NDUFS1: variants seen among roughly 807,000 people sequenced by gnomAD.
NDUFS1 encodes NADH:ubiquinone oxidoreductase core subunit S1.
A neutral mutation model predicts 84.4 loss-of-function variants in NDUFS1; 61 were observed. That is an observed-to-expected ratio of 0.72 (90% CI 0.59 to 0.89). NDUFS1 has a LOEUF of 0.89. Ranked by LOEUF, NDUFS1 falls within the 40% of genes least tolerant of loss-of-function variation. NDUFS1 has a pLI of 0.00. For synonymous variants in NDUFS1, 275 were observed against 290.0 expected (o/e 0.95, Z 0.53); for missense variants, 891 against 890.0 (o/e 1.00, Z -0.01).
At chr2:206,125,666 A>C (rs1015494974) in intron 18 of NDUFS1, among the ~76,000 whole-genome samples, 3 of 151,860 alleles carry the variant, frequency 2.0e-5, no homozygotes, top group Non-Finnish European at 2.9e-5. Context: ...AAAAAAAAAA[A>C]AACTTTTAGG....
chr2:206,128,103 C>T, intron 15 of NDUFS1, 131 bp from the exon 16 acceptor site: 1 of 969,222 alleles, frequency 1.0e-6, no homozygotes, highest in Admixed American at 2.1e-5. Context: ...TAAAATGAAA[C>T]AGTAGTGAAG....
intron 12 of NDUFS1, among the ~76,000 whole-genome samples, chr2:206,140,642 G>A (rs1261651786): frequency 6.6e-6 from 1 of 151,624 alleles, no homozygotes; most frequent in African/African-American, 2.4e-5. Flanking sequence ...CACCATGCCC[G>A]GCTAATTTTG....
intron 17 of NDUFS1, 24 bp from the exon 18 acceptor site, chr2:206,126,635 C>T: frequency 1.9e-6 from 3 of 1,614,040 alleles, no homozygotes; most frequent in Non-Finnish European, 1.7e-6. Flanking sequence ...AAGAGATCAA[C>T]AATAATATGG....
At chr2:206,143,403 T>C (rs1185887762) in intron 10 of NDUFS1, among the ~76,000 whole-genome samples, 3 of 152,046 alleles carry the variant, frequency 2.0e-5, no homozygotes, top group South Asian at 2.1e-4. Context: ...CAAAATGAGG[T>C]CTGGAGAATG....
chr2:206,148,951 G>A, intron 5 of NDUFS1, 69 bp downstream of exon 5: 1 of 1,128,566 alleles, frequency 8.9e-7, no homozygotes. Flanking sequence ...TCTATGGGAA[G>A]GTCTAAATAC....
At position 206,153,637 on chromosome 2, in the gene NDUFS1, AGAAAGGCCT is replaced by A. The variant is rs1470134980; in HGVS notation, c.33_41del (p.Gly12_Ser14del). On this transcript the variant is annotated inframe_deletion, in exon 2 of 19. Transcript: ENST00000233190. ...ACTCACCACATCCTTTAGGAGACTT[AGAAAGGCCT>A]ACTAAGGCCTTTCTTACAGGTATCC... 4 of 1,548,440 alleles carry A rather than the reference AGAAAGGCCT, an allele frequency of 2.6e-6. No homozygotes were observed. Among genetic ancestry groups the A allele is most frequent in the African/African-American group, 1.4e-5 (1 of 73,396 alleles).
intron 15 of NDUFS1, 134 bp from the exon 16 acceptor site, chr2:206,128,106 T>C: frequency 1.1e-6 from 1 of 909,166 alleles, no homozygotes; most frequent in South Asian, 1.5e-5. Flanking sequence ...AATGAAACAG[T>C]AGTGAAGTAA....
rs1480617027 is a variant in NDUFS1, at chr2:206,153,699, G to A, written c.-4-17C>T. ...AACATATTGCTAAAAATAAAACAAA[G>A]AATTATATTATTGTAGGGAAAAAAA... is the stretch of plus-strand genomic sequence containing the variant. On this transcript the variant is annotated splice_polypyrimidine_tract_variant and intron_variant, in intron 1 of 18. Coordinates refer to ENST00000233190, the MANE Select transcript of NDUFS1 (RefSeq NM_005006.7). The A allele has an allele frequency of 3.7e-6, 5 of 1,333,710 alleles. No homozygotes were observed. The highest frequency in any genetic ancestry group is 1.1e-6 in the Non-Finnish European group (1 of 941,974). The allele number at this position is 1,333,710 out of a possible 1,614,324, so 82.6% of individuals were successfully genotyped here.
In NDUFS1 at chr2:206,147,097, T is replaced by TA. The variant is rs1559059976; in HGVS notation, c.552-10dup. ...CAATCTCACTTGCAAACCTACAAGA[T>TA]AAAAAATGTGTCATCAATGGTCAAG... On this transcript the variant is annotated splice_polypyrimidine_tract_variant and intron_variant, in intron 7 of 18. Transcript: ENST00000233190. 1 of 1,613,966 alleles carries TA rather than the reference T, an allele frequency of 6.2e-7. No homozygotes were observed. The highest frequency in any genetic ancestry group is 1.7e-5 in the Admixed American group (1 of 60,014).
intron 1 of NDUFS1, among the ~76,000 whole-genome samples, chr2:206,155,288 T>C (rs2105774280): frequency 6.6e-6 from 1 of 151,914 alleles, no homozygotes; most frequent in East Asian, 1.9e-4. Flanking sequence ...GCTAATTTTT[T>C]GTATTTTTAG....
chr2:206,124,480 A>G (rs1691205770), intron 18 of NDUFS1, among the ~76,000 whole-genome samples: 1 of 152,162 alleles, frequency 6.6e-6, no homozygotes, highest in South Asian at 2.1e-4. Flanking sequence ...AAACAATCAA[A>G]TAACTATAGA....
intron 8 of NDUFS1, 104 bp downstream of exon 8, chr2:206,146,799 C>T: frequency 8.9e-7 from 1 of 1,125,046 alleles, no homozygotes; most frequent in Non-Finnish European, 1.3e-6. Flanking sequence ...ACAAAGTCAA[C>T]AGACCAAAAC....
Position 206,141,930 on chromosome 2 carries a change from C to T in NDUFS1, c.1262+11G>A. On this transcript the variant is annotated intron_variant, in intron 12 of 18. Transcript: ENST00000233190. ...AATATTTTTAAACCTTGAATAAATA[C>T]TATTACCAACCTCTTTCGAATTCTA... is the stretch of plus-strand genomic sequence containing the variant. 1 of 1,607,214 alleles carries T rather than the reference C, an allele frequency of 6.2e-7. No homozygotes were observed. Among genetic ancestry groups the T allele is most frequent in the African/African-American group, 1.3e-5 (1 of 74,728 alleles).
At chr2:206,142,861 G>A in intron 10 of NDUFS1, 30 bp from the exon 11 acceptor site, 1 of 1,613,602 alleles carries the variant, frequency 6.2e-7, no homozygotes, top group South Asian at 1.1e-5. Flanking sequence ...GCATCACCAA[G>A]AAACCTACAC....
chr2:206,134,558 G>A (rs1286145128), intron 13 of NDUFS1, among the ~76,000 whole-genome samples: 1 of 151,780 alleles, frequency 6.6e-6, no homozygotes, highest in Non-Finnish European at 1.5e-5. Flanking sequence ...CTCCAGCATG[G>A]GTGACAGAGC....
chr2:206,140,158 A>G (rs1691880630), intron 12 of NDUFS1, among the ~76,000 whole-genome samples: 1 of 152,174 alleles, frequency 6.6e-6, no homozygotes. Context: ...CAGCCTGGGC[A>G]ACATAGGGAG....
intron 14 of NDUFS1, among the ~76,000 whole-genome samples, chr2:206,132,055 G>A (rs1048947808): frequency 2.0e-5 from 3 of 151,038 alleles, no homozygotes; most frequent in African/African-American, 7.3e-5. Flanking sequence ...AACCTGGGAG[G>A]GGGAGGCTGC....
chr2:206,128,497 G>A (rs1357746893), intron 15 of NDUFS1, among the ~76,000 whole-genome samples: 1 of 151,140 alleles, frequency 6.6e-6, no homozygotes, highest in Non-Finnish European at 1.5e-5. Context: ...GCATTTGGGG[G>A]CCAGGTGTGG....
chr2:206,127,614 T>C (rs1575946101), intron 16 of NDUFS1, 183 bp downstream of exon 16: 1 of 636,988 alleles, frequency 1.6e-6, no homozygotes, highest in East Asian at 2.8e-5. Flanking sequence ...AGTGCAGCGG[T>C]GCAATGAGAG....
Sources: gnomAD v4.1 joint callset for allele counts (sites outside exome capture counted in the v4.1 genomes callset) on GRCh38, gnomAD v4.1.1 for gene constraint, MANE v1.5 for transcripts, NCBI Gene and HGNC (gene_info 2026-07-23, HGNC 2026-07-21) for gene names.